Variants in DAB1 observed in about 807,000 individuals in gnomAD.
The protein encoded by DAB1 is DAB adaptor protein 1.
DAB1 carries 15 observed loss-of-function variants against 64.6 expected under a neutral mutation model. The ratio of observed to expected loss-of-function variants is 0.23; its 90% CI spans 0.16 to 0.36. DAB1 has a LOEUF of 0.36. Among genes scored for constraint, DAB1 ranks in the 10% least tolerant of loss-of-function variants. The pLI is 1.00. For missense variants in DAB1, 596 were observed against 706.7 expected, an observed-to-expected ratio of 0.84 and a Z score of 1.78; for synonymous variants, 235 against 251.9, an observed-to-expected ratio of 0.93 and a Z score of 0.64.
chr1:57,965,840 A>G (rs774441930), intron 5 of DAB1, among the ~76,000 whole-genome samples: 13 of 152,170 alleles, frequency 8.5e-5, no homozygotes, highest in Non-Finnish European at 1.0e-4. Flanking sequence ...GCAAATAAGA[A>G]ATAGACCATT....
At chr1:58,439,368 C>A (rs1644982612) in intron 3 of DAB1, among the ~76,000 whole-genome samples, 1 of 152,076 alleles carries the variant, frequency 6.6e-6, no homozygotes, top group Non-Finnish European at 1.5e-5. Flanking sequence ...TTTCATTGTT[C>A]ATCTCCCTTC....
At position 57,666,086 on chromosome 1, in the gene DAB1, T is replaced by C. The variant is rs181735777; in HGVS notation, n.552-16421A>G. Among the ~76,000 whole-genome samples the C allele has an allele frequency of 9.4e-4, 143 of 152,212 alleles. No individual in the cohort carries two copies. In the East Asian group the frequency reaches 0.019, roughly 20 times the overall value. Reference sequence around the variant, plus strand: ...ATTTAACTGTCTAAGTTAAAAAAGTTGCTAGAGGAAAAACAAAGCAATAGA... The same window carrying C: ...ATTTAACTGTCTAAGTTAAAAAAGTCGCTAGAGGAAAAACAAAGCAATAGA... On this transcript the variant is annotated intron_variant and non_coding_transcript_variant, in intron 6 of 20. Transcript: ENST00000485760.
intron 4 of DAB1, among the ~76,000 whole-genome samples, chr1:58,150,916 C>A (rs530945202): frequency 9.6e-4 from 146 of 152,146 alleles, no homozygotes; most frequent in African/African-American, 3.4e-3. Context: ...TTGTTCAATT[C>A]CCACCTATGA....
chr1:57,973,032 A>G (rs1645836028), intron 5 of DAB1, among the ~76,000 whole-genome samples: 1 of 152,198 alleles, frequency 6.6e-6, no homozygotes, highest in African/African-American at 2.4e-5. Flanking sequence ...ATCTGTCTTT[A>G]TAGATGTGAT....
chr1:58,422,899 T>C (rs1644785946), intron 3 of DAB1, among the ~76,000 whole-genome samples: 1 of 152,184 alleles, frequency 6.6e-6, no homozygotes, highest in Non-Finnish European at 1.5e-5. Context: ...CTTCTAAATC[T>C]AACAGGAGCA....
intron 5 of DAB1, among the ~76,000 whole-genome samples, chr1:58,022,545 C>T (rs1646829656): frequency 6.6e-6 from 1 of 152,110 alleles, no homozygotes; most frequent in African/African-American, 2.4e-5. Context: ...TCTAAATTCC[C>T]TGGAGTTTGC....
At chr1:58,253,837 G>A (rs1339292356) in intron 4 of DAB1, among the ~76,000 whole-genome samples, 1 of 152,298 alleles carries the variant, frequency 6.6e-6, no homozygotes, top group East Asian at 1.9e-4. Flanking sequence ...CTCTGCAAAT[G>A]TCTTTCTCTT....
At chr1:58,102,738 T>C (rs1651395224) in intron 5 of DAB1, among the ~76,000 whole-genome samples, 1 of 152,194 alleles carries the variant, frequency 6.6e-6, no homozygotes, top group African/African-American at 2.4e-5. Flanking sequence ...TGCTATGTGA[T>C]AAAAAATGTA....
intron 4 of DAB1, among the ~76,000 whole-genome samples, chr1:58,321,821 C>A (rs187678844): frequency 0.013 from 1,921 of 152,308 alleles, 44 homozygotes; most frequent in African/African-American, 0.04. Context: ...GTAGACCCCA[C>A]CCCTGGGGGC....
At chr1:58,269,265 T>A (rs1322007144) in intron 4 of DAB1, among the ~76,000 whole-genome samples, 1 of 150,976 alleles carries the variant, frequency 6.6e-6, no homozygotes, top group African/African-American at 2.4e-5. Flanking sequence ...ATATGCCCTG[T>A]TTGGTTTTTT....
At chr1:58,226,376 T>C (rs1659484533) in intron 4 of DAB1, among the ~76,000 whole-genome samples, 1 of 151,922 alleles carries the variant, frequency 6.6e-6, no homozygotes, top group Non-Finnish European at 1.5e-5. Context: ...TAGACATTAC[T>C]ATCCCATCTC....
intron 11 of DAB1, among the ~76,000 whole-genome samples, chr1:57,021,488 A>G (rs1170400703): frequency 6.6e-6 from 1 of 152,150 alleles, no homozygotes; most frequent in Non-Finnish European, 1.5e-5. Context: ...AAGTCTCATG[A>G]GATCTGATGG....
intron 4 of DAB1, among the ~76,000 whole-genome samples, chr1:58,208,754 T>C (rs1052865708): frequency 1.3e-5 from 2 of 152,206 alleles, no homozygotes; most frequent in African/African-American, 2.4e-5. Flanking sequence ...CAAACGTGCA[T>C]GTGCAGGCGT....
chr1:58,263,202 A>C (rs998010061), intron 4 of DAB1, among the ~76,000 whole-genome samples: 1 of 152,220 alleles, frequency 6.6e-6, no homozygotes, highest in Non-Finnish European at 1.5e-5. Flanking sequence ...GGGAGCTGTA[A>C]AAAGTCCTGC....
chr1:57,304,056 T>C (rs1364850164), intron 1 of DAB1, among the ~76,000 whole-genome samples: 1 of 152,150 alleles, frequency 6.6e-6, no homozygotes, highest in African/African-American at 2.4e-5. Context: ...CGTATTGCTA[T>C]AGAGAAATAC....
chr1:58,379,298 T>C (rs1217393732), intron 3 of DAB1, among the ~76,000 whole-genome samples: 1 of 152,234 alleles, frequency 6.6e-6, no homozygotes, highest in Non-Finnish European at 1.5e-5. Flanking sequence ...ACTTAGGTTG[T>C]TTAAATCAAT....
intron 1 of DAB1, among the ~76,000 whole-genome samples, chr1:57,300,761 A>G (rs1033635255): frequency 6.6e-6 from 1 of 152,204 alleles, no homozygotes; most frequent in African/African-American, 2.4e-5. Context: ...AATGCGTAAG[A>G]TTATTTTTAG....
At chr1:57,322,682 A>T (rs1675817879) in intron 1 of DAB1, among the ~76,000 whole-genome samples, 1 of 152,170 alleles carries the variant, frequency 6.6e-6, no homozygotes, top group African/African-American at 2.4e-5. Context: ...GCAGTAGGAG[A>T]TACTCTATTA....
chr1:57,863,748 G>T (rs997619476), intron 1 of DAB1, among the ~76,000 whole-genome samples: 2 of 152,016 alleles, frequency 1.3e-5, no homozygotes, highest in South Asian at 2.1e-4. Flanking sequence ...AGGAGAAAAA[G>T]AATAAAATTT....
Sources: allele counts gnomAD v4.1 joint callset (sites outside exome capture counted in the v4.1 genomes callset), GRCh38; gene constraint gnomAD v4.1.1; transcripts MANE v1.5; gene names NCBI Gene and HGNC (gene_info 2026-07-23, HGNC 2026-07-21).